The following ANGPT1 variants were observed in gnomAD, a reference collection of about 807,000 sequenced individuals.
ANGPT1 encodes angiopoietin-1.
Under a neutral mutation model 62.2 loss-of-function variants are expected in ANGPT1, and 17 were observed. The ratio of observed to expected loss-of-function variants is 0.27; its 90% CI spans 0.19 to 0.41. The LOEUF is 0.41. Among genes scored for constraint, ANGPT1 ranks in the 10% least tolerant of loss-of-function variants. ANGPT1 has a pLI of 1.00. For missense variants in ANGPT1, 478 were observed against 594.9 expected (o/e 0.80, Z 2.04); for synonymous variants, 199 against 198.9 (o/e 1.00, Z 0.00).
chr8:107,381,338 G>C (rs1455699606), intron 1 of ANGPT1, among the ~76,000 whole-genome samples: 1 of 152,162 alleles, frequency 6.6e-6, no homozygotes, highest in African/African-American at 2.4e-5. Context: ...AACTTGCCCA[G>C]AGATTAACCC....
intron 1 of ANGPT1, among the ~76,000 whole-genome samples, chr8:107,370,364 G>GAAAGAAAA (rs1816372314): frequency 6.2e-5 from 2 of 32,434 alleles, no homozygotes; most frequent in Admixed American, 9.9e-4. Context: ...AAGAAAGAAA[G>GAAAGAAAA]AAAGAAAGAA....
chr8:107,332,101 T>A (rs975520339), intron 3 of ANGPT1, among the ~76,000 whole-genome samples: 7 of 152,212 alleles, frequency 4.6e-5, no homozygotes, highest in Admixed American at 3.9e-4. Flanking sequence ...CATTAGGACA[T>A]CATTTCCTGT....
chr8:107,274,461 T>C (rs1489328887), intron 7 of ANGPT1, among the ~76,000 whole-genome samples: 1 of 152,170 alleles, frequency 6.6e-6, no homozygotes, highest in Non-Finnish European at 1.5e-5. Context: ...TGGGACAATT[T>C]TATTAATTTT....
At chr8:107,404,211 A>C (rs1283687) in intron 1 of ANGPT1, among the ~76,000 whole-genome samples, 2 of 152,070 alleles carry the variant, frequency 1.3e-5, no homozygotes, top group African/African-American at 4.8e-5. Context: ...GTGTTTGGTT[A>C]AAACAAATGG....
chr8:107,295,209 C>T (rs1172854937), intron 5 of ANGPT1: 1 of 152,108 alleles, frequency 6.6e-6, no homozygotes, highest in East Asian at 1.9e-4. Flanking sequence ...ACTCTCCTCC[C>T]AAGGCTCTCG....
At chr8:107,390,003 A>T (rs1260529617) in intron 1 of ANGPT1, among the ~76,000 whole-genome samples, 1 of 151,688 alleles carries the variant, frequency 6.6e-6, no homozygotes, top group Non-Finnish European at 1.5e-5. Flanking sequence ...TATTGTTCCT[A>T]CTTCCTTTCC....
At chr8:107,452,112 A>G (rs1018414085) in intron 1 of ANGPT1, among the ~76,000 whole-genome samples, 3 of 151,754 alleles carry the variant, frequency 2.0e-5, no homozygotes, top group Non-Finnish European at 2.9e-5. Flanking sequence ...ATTAACACTT[A>G]AAAAGATAAA....
intron 1 of ANGPT1, among the ~76,000 whole-genome samples, chr8:107,460,196 T>G (rs1429084347): frequency 6.6e-6 from 1 of 152,190 alleles, no homozygotes; most frequent in Non-Finnish European, 1.5e-5. Flanking sequence ...GTATAAAGTA[T>G]TTACTTCTAA....
chr8:107,489,821 G>A (rs979775624), intron 1 of ANGPT1, among the ~76,000 whole-genome samples: 1 of 151,962 alleles, frequency 6.6e-6, no homozygotes, highest in Non-Finnish European at 1.5e-5. Context: ...AGGGGGTTTG[G>A]AATTTCCCAA....
intron 1 of ANGPT1, among the ~76,000 whole-genome samples, chr8:107,358,976 C>T (rs996178866): frequency 1.3e-5 from 2 of 152,102 alleles, no homozygotes; most frequent in Non-Finnish European, 2.9e-5. Context: ...TTGATGTGGG[C>T]TTTTTCTCCA....
intron 8 of ANGPT1, among the ~76,000 whole-genome samples, chr8:107,262,246 C>A (rs1813509638): frequency 6.6e-6 from 1 of 152,134 alleles, no homozygotes; most frequent in Admixed American, 6.6e-5. Flanking sequence ...CTCTACCAAG[C>A]TCTATTCGTG....
At position 107,379,753 on chromosome 8, in the gene ANGPT1, C is replaced by T. The variant is rs534358738; in HGVS notation, c.298-32656G>A. On this transcript the variant is annotated intron_variant, in intron 1 of 8. Coordinates refer to ENST00000517746, the MANE Select transcript of ANGPT1 (RefSeq NM_001146.5). ...TTTAACCTATAGCTTTATGGTATTT[C>T]AGAGCAGGTGCACTGAAGTATGGCA... 2.6e-5 allele frequency among the ~76,000 whole-genome samples: 4 copies of T among 152,198 alleles called. No homozygotes were observed. In the East Asian group the frequency reaches 5.8e-4, roughly 22 times the overall value.
chr8:107,392,006 G>A (rs934256061), intron 1 of ANGPT1, among the ~76,000 whole-genome samples: 1 of 152,098 alleles, frequency 6.6e-6, no homozygotes, highest in Non-Finnish European at 1.5e-5. Flanking sequence ...GTTATGTGGT[G>A]CATGACTGTA....
intron 4 of ANGPT1, among the ~76,000 whole-genome samples, chr8:107,315,106 T>C (rs1814983672): frequency 6.6e-6 from 1 of 152,098 alleles, no homozygotes; most frequent in South Asian, 2.1e-4. Flanking sequence ...AGAGGACCCA[T>C]AATAATGATC....
chr8:107,253,182 G>C (rs1813285109), intron 8 of ANGPT1, among the ~76,000 whole-genome samples: 2 of 152,198 alleles, frequency 1.3e-5, no homozygotes, highest in African/African-American at 4.8e-5. Context: ...ATGTCTTGAT[G>C]AATTTGGAAA....
intron 1 of ANGPT1, among the ~76,000 whole-genome samples, chr8:107,412,175 GC>G (rs1313354094): frequency 1.3e-5 from 2 of 152,108 alleles, no homozygotes; most frequent in Non-Finnish European, 2.9e-5. Flanking sequence ...GGCTCTCTAG[GC>G]AAACAAGGGG....
At chr8:107,441,854 G>A (rs973094169) in intron 1 of ANGPT1, among the ~76,000 whole-genome samples, 5 of 152,114 alleles carry the variant, frequency 3.3e-5, no homozygotes, top group Non-Finnish European at 5.9e-5. Flanking sequence ...GGGAGGCCGA[G>A]GTGGGTAGAT....
At chr8:107,282,404 T>C (rs942037280) in intron 7 of ANGPT1, among the ~76,000 whole-genome samples, 1 of 131,402 alleles carries the variant, frequency 7.6e-6, no homozygotes, top group Non-Finnish European at 1.6e-5. Flanking sequence ...GGCAAAATTA[T>C]ATATATGAGG....
At chr8:107,324,350 T>C (rs985878202) in intron 3 of ANGPT1, among the ~76,000 whole-genome samples, 1 of 151,904 alleles carries the variant, frequency 6.6e-6, no homozygotes, top group East Asian at 1.9e-4. Context: ...TCTAATCCAC[T>C]ATGATTGGTG....
Sources: allele counts gnomAD v4.1 joint callset (sites outside exome capture counted in the v4.1 genomes callset), GRCh38; gene constraint gnomAD v4.1.1; transcripts MANE v1.5; gene names NCBI Gene and HGNC (gene_info 2026-07-23, HGNC 2026-07-21).